Variants in GABBR2 observed in about 807,000 individuals in gnomAD.
The protein encoded by GABBR2 is gamma-aminobutyric acid type B receptor subunit 2.
A neutral mutation model predicts 105.6 loss-of-function variants in GABBR2; 23 were observed. The ratio of observed to expected loss-of-function variants is 0.22; its 90% CI spans 0.16 to 0.31. The LOEUF (loss-of-function observed/expected upper bound fraction) is 0.31. GABBR2 is among the 10% of genes least tolerant of loss of function. GABBR2 has a pLI of 1.00. For missense variants in GABBR2, 734 were observed against 1,245.5 expected (o/e 0.59, Z 6.18); for synonymous variants, 478 against 499.7 (o/e 0.96, Z 0.58).
At chr9:98,476,339 CATT>C (rs953444327) in intron 5 of GABBR2, among the ~76,000 whole-genome samples, 17 of 152,280 alleles carry the variant, frequency 1.1e-4, no homozygotes, top group African/African-American at 3.6e-4. Flanking sequence ...TTATTTAGAA[CATT>C]AGTCAATTTT....
intron 3 of GABBR2, among the ~76,000 whole-genome samples, chr9:98,538,313 C>T (rs1196197863): frequency 6.6e-6 from 1 of 152,196 alleles, no homozygotes; most frequent in African/African-American, 2.4e-5. Context: ...TCTTTTGTCT[C>T]ATTTACATCT....
chr9:98,659,335 G>T (rs893891442), intron 1 of GABBR2, among the ~76,000 whole-genome samples: 4 of 151,838 alleles, frequency 2.6e-5, no homozygotes, highest in Admixed American at 2.6e-4. Context: ...CATCTTTTTT[G>T]TTTGTTTTAC....
At chr9:98,472,764 G>A (rs12554364) in intron 6 of GABBR2, among the ~76,000 whole-genome samples, 35,490 of 151,960 alleles carry the variant, frequency 0.23, 4,611 homozygotes, top group East Asian at 0.52. Context: ...TACTTAAGGC[G>A]TCTTTCCTCT....
Position 98,362,730 on chromosome 9 carries a change from C to T in GABBR2, c.1878G>A (p.Glu626=). Residue 626 remains glutamate, a synonymous_variant, in exon 13 of 19, where the codon GAG becomes GAA. Transcript: ENST00000259455. ...QAVDPLRRTV[E]KYSMEPDPAG... The stretch of plus-strand genomic sequence containing the variant: ...GAGGGCTTACCTCCATGCTGTACTT[C>T]TCCACTGTCCTTCGCAGGGGGTCCA... 3.1e-6 allele frequency: 5 copies of T among 1,593,164 alleles called. No homozygotes were observed. The highest frequency in any genetic ancestry group is 4.3e-6 in the Non-Finnish European group (5 of 1,171,408).
intron 11 of GABBR2, 140 bp downstream of exon 11, chr9:98,385,500 G>A: frequency 1.5e-6 from 1 of 688,284 alleles, no homozygotes; most frequent in South Asian, 1.8e-5. Context: ...TCCCTGTTGA[G>A]TTGAAAACTA....
intron 4 of GABBR2, among the ~76,000 whole-genome samples, chr9:98,486,460 A>G (rs921316067): frequency 6.6e-6 from 1 of 152,230 alleles, no homozygotes; most frequent in African/African-American, 2.4e-5. Context: ...CACGCCCTCC[A>G]GCCAGCCTTC....
chr9:98,436,409 T>TATA (rs1825927745), intron 7 of GABBR2, among the ~76,000 whole-genome samples: 1 of 48,246 alleles, frequency 2.1e-5, no homozygotes, highest in African/African-American at 8.7e-5. Context: ...ATATATATAG[T>TATA]ATGGCGTTCT....
intron 18 of GABBR2, among the ~76,000 whole-genome samples, chr9:98,293,259 A>C (rs1217960301): frequency 1.3e-5 from 2 of 152,094 alleles, no homozygotes; most frequent in Non-Finnish European, 2.9e-5. Context: ...ACCCTATTTA[A>C]AATGACACTC....
At chr9:98,694,307 C>A (rs1236235141) in intron 1 of GABBR2, among the ~76,000 whole-genome samples, 1 of 152,238 alleles carries the variant, frequency 6.6e-6, no homozygotes, top group Non-Finnish European at 1.5e-5. Context: ...CACTAACTTT[C>A]ATGCTCCCAA....
At chr9:98,417,747 C>CTA (rs139059981) in intron 7 of GABBR2, among the ~76,000 whole-genome samples, 4,763 of 152,188 alleles carry the variant, frequency 0.031, 126 homozygotes, top group African/African-American at 0.067. Flanking sequence ...TTGTGTAAGA[C>CTA]TATTATAAGG....
chr9:98,402,915 A>G (rs867514350), intron 8 of GABBR2, among the ~76,000 whole-genome samples: 1 of 152,142 alleles, frequency 6.6e-6, no homozygotes, highest in Admixed American at 6.5e-5. Flanking sequence ...GTTGATACGC[A>G]TATGCCCCCT....
At chr9:98,707,169 G>C (rs1181390854) in intron 1 of GABBR2, 2 of 152,242 alleles carry the variant, frequency 1.3e-5, no homozygotes, top group African/African-American at 4.8e-5. Context: ...AAGAGGGTCC[G>C]ACCAAGGAGG....
intron 1 of GABBR2, 54 bp from the exon 2 acceptor site, chr9:98,578,126 G>T (rs976446029): frequency 5.0e-6 from 8 of 1,596,386 alleles, no homozygotes; most frequent in Non-Finnish European, 6.8e-6. Context: ...CTTTTCCCCA[G>T]GGGCATGAGC....
chr9:98,656,086 G>A (rs796487336), intron 1 of GABBR2, among the ~76,000 whole-genome samples: 5 of 152,188 alleles, frequency 3.3e-5, no homozygotes, highest in South Asian at 2.1e-4. Flanking sequence ...ATGGCTGCAG[G>A]GTATGGAAGG....
intron 3 of GABBR2, among the ~76,000 whole-genome samples, chr9:98,506,997 C>T (rs1827526832): frequency 6.6e-6 from 1 of 152,184 alleles, no homozygotes; most frequent in Non-Finnish European, 1.5e-5. Flanking sequence ...CTCCCAGAAC[C>T]ACATACTGTA....
intron 2 of GABBR2, among the ~76,000 whole-genome samples, chr9:98,554,795 TG>T (rs1828557696): frequency 6.6e-6 from 1 of 152,234 alleles, no homozygotes; most frequent in South Asian, 2.1e-4. Flanking sequence ...TAAAGAAGAT[TG>T]GAAAACAACT....
At chr9:98,359,081 G>A (rs990635415) in intron 13 of GABBR2, among the ~76,000 whole-genome samples, 9 of 152,172 alleles carry the variant, frequency 5.9e-5, no homozygotes, top group Admixed American at 1.3e-4. Context: ...GTTCATATTT[G>A]TAAAGCATTT....
At position 98,542,055 on chromosome 9, in the gene GABBR2, A is replaced by C. The variant is rs1381462775; in HGVS notation, c.460-12T>G. On this transcript the variant is annotated splice_polypyrimidine_tract_variant and intron_variant, in intron 2 of 18. Coordinates refer to ENST00000259455, the MANE Select transcript of GABBR2 (RefSeq NM_005458.8). The stretch of plus-strand genomic sequence containing the variant: ...GCAGCAAAAGAAAGCTGAAAAACAC[A>C]AAAGAGACAACGCTTTTTACTGATG... The C allele has an allele frequency of 6.2e-7, 1 of 1,612,888 alleles. No homozygotes were observed. Among genetic ancestry groups the C allele is most frequent in the South Asian group, 1.1e-5 (1 of 90,970 alleles).
intron 1 of GABBR2, among the ~76,000 whole-genome samples, chr9:98,659,132 A>G (rs1369524071): frequency 6.6e-6 from 1 of 152,226 alleles, no homozygotes; most frequent in Non-Finnish European, 1.5e-5. Flanking sequence ...TCCTGTATAT[A>G]TTCTTGCTTT....
Sources: gnomAD v4.1 joint callset for allele counts (sites outside exome capture counted in the v4.1 genomes callset) on GRCh38, gnomAD v4.1.1 for gene constraint, MANE v1.5 for transcripts, NCBI Gene and HGNC (gene_info 2026-07-23, HGNC 2026-07-21) for gene names.